Variants in TGIF2 observed in about 807,000 individuals in gnomAD.
The protein encoded by TGIF2 is TGFB induced factor homeobox 2, also known as homeobox protein TGIF2.
Under a neutral mutation model 15.1 loss-of-function variants are expected in TGIF2, and 5 were observed. The ratio of observed to expected loss-of-function variants is 0.33; its 90% confidence interval spans 0.17 to 0.70. The LOEUF is 0.70. Among genes scored for constraint, TGIF2 ranks in the 30% least tolerant of loss-of-function variants. The pLI is 0.67. For synonymous variants in TGIF2, 131 were observed against 128.9 expected, an observed-to-expected ratio of 1.02 and a Z score of -0.11; for missense variants, 264 against 302.5, an observed-to-expected ratio of 0.87 and a Z score of 0.94.
At chr20:36,589,681 A>G (rs948278122) in intron 2 of TGIF2, among the ~76,000 whole-genome samples, 2 of 151,234 alleles carry the variant, frequency 1.3e-5, no homozygotes, top group African/African-American at 2.4e-5. Flanking sequence ...GTGAGCCACC[A>G]CGCTCGACCG....
chr20:36,577,704 C>T (rs2038461157), intron 1 of TGIF2, among the ~76,000 whole-genome samples: 1 of 151,680 alleles, frequency 6.6e-6, no homozygotes, highest in Non-Finnish European at 1.5e-5. Context: ...TTAGTAGAAA[C>T]AGGGTTTCAC....
At chr20:36,585,746 G>A (rs985376977) in intron 2 of TGIF2, among the ~76,000 whole-genome samples, 3 of 152,084 alleles carry the variant, frequency 2.0e-5, no homozygotes, top group Admixed American at 6.6e-5. Flanking sequence ...AGGTCCCTTC[G>A]ACATCCTCTA....
intron 2 of TGIF2, among the ~76,000 whole-genome samples, chr20:36,589,537 C>T (rs999579989): frequency 1.3e-5 from 2 of 152,000 alleles, no homozygotes; most frequent in African/African-American, 2.4e-5. Flanking sequence ...GGACTACAGG[C>T]GCGTGCCACC....
chr20:36,584,392 G>A (rs1193800614), intron 2 of TGIF2, among the ~76,000 whole-genome samples: 1 of 152,164 alleles, frequency 6.6e-6, no homozygotes, highest in Non-Finnish European at 1.5e-5. Flanking sequence ...TATCTGGTAG[G>A]TAGGTGCTCA....
rs1308288598 is a variant in TGIF2, at chr20:36,591,515, A to G, written c.*84A>G. On this transcript the variant is annotated 3_prime_UTR_variant, in exon 3 of 3. Coordinates refer to ENST00000373872, the MANE Select transcript of TGIF2 (RefSeq NM_021809.7). The surrounding 1 kb of genome is among the most constrained non-coding windows in gnomAD (Gnocchi z 5.3). ...TTCCCTTTCATACAGAGGGTTTTCT[A>G]TGGATCACTGCCAAACATTGGGATC... 1.8e-5 allele frequency: 25 copies of G among 1,414,564 alleles called. No individual in the cohort carries two copies. The highest frequency in any genetic ancestry group is 6.7e-5 in the Admixed American group (3 of 44,982). 87.6% of individuals were successfully genotyped at this position (1,414,564 alleles called of 1,614,324 possible).
intron 1 of TGIF2, among the ~76,000 whole-genome samples, chr20:36,578,424 A>G (rs190695752): frequency 7.6e-4 from 115 of 152,210 alleles, no homozygotes; most frequent in Admixed American, 2.7e-3. Context: ...AAAAAAAAAA[A>G]AAAAGAAAAG....
intron 2 of TGIF2, among the ~76,000 whole-genome samples, chr20:36,585,344 T>C (rs1414786013): frequency 6.6e-6 from 1 of 151,250 alleles, no homozygotes; most frequent in Non-Finnish European, 1.5e-5. Context: ...CTAAAAATAG[T>C]CCCAGCTATT....
In TGIF2 at chr20:36,591,005, C is replaced by CG; in HGVS notation, c.293dup (p.Lys99Ter). 1 of 1,592,536 alleles carries CG rather than the reference C, an allele frequency of 6.3e-7. No homozygotes were observed. The highest frequency in any genetic ancestry group is 1.1e-5 in the South Asian group (1 of 89,946). On this transcript the variant is annotated frameshift_variant, in exon 3 of 3. Transcript: ENST00000373872. LOFTEE classifies it high-confidence loss of function. The surrounding 1 kb of genome is among the most constrained non-coding windows in gnomAD (Gnocchi z 5.3). ...CTAATCAGTTTACCATTTCCCGCCG[C>CG]GGGGGTAAGGCCTCAGATGTGGCCC...
At chr20:36,576,859 C>A (rs1018931672) in intron 1 of TGIF2, among the ~76,000 whole-genome samples, 1 of 152,068 alleles carries the variant, frequency 6.6e-6, no homozygotes, top group South Asian at 2.1e-4. Flanking sequence ...CATGCATTAC[C>A]GTGCTCAACT....
chr20:36,590,782 C>T (rs2038754397), intron 2 of TGIF2, 128 bp from the exon 3 acceptor site: 1 of 1,041,410 alleles, frequency 9.6e-7, no homozygotes, highest in Non-Finnish European at 1.3e-6. Flanking sequence ...TGGTCTTGAA[C>T]TCCTGGGCTT....
intron 2 of TGIF2, among the ~76,000 whole-genome samples, chr20:36,580,388 C>G (rs1009100769): frequency 1.3e-5 from 2 of 152,192 alleles, no homozygotes; most frequent in South Asian, 4.1e-4. Flanking sequence ...ATCTTCTCCA[C>G]AAGAGGAAAC....
chr20:36,585,923 G>C (rs757232485), intron 2 of TGIF2, among the ~76,000 whole-genome samples: 3 of 152,144 alleles, frequency 2.0e-5, no homozygotes, highest in Non-Finnish European at 4.4e-5. Context: ...TGGCTGTCAG[G>C]ACTCCTTTCA....
rs74604957 is a variant in TGIF2, at chr20:36,587,691, C to T, written c.193-3219C>T. On this transcript the variant is annotated intron_variant, in intron 2 of 2. Coordinates refer to ENST00000373872, the MANE Select transcript of TGIF2 (RefSeq NM_021809.7). ...CCTTCAACAAGTTTCTGAACCTCTCCGATCTGTTTCTTCAAGGGAGATCAT... is the reference window on the plus strand; with the variant it reads ...CCTTCAACAAGTTTCTGAACCTCTCTGATCTGTTTCTTCAAGGGAGATCAT... Among the ~76,000 whole-genome samples, 1,217 of 152,222 alleles carry T rather than the reference C, an allele frequency of 8.0e-3. 19 individuals carry two copies. The highest frequency in any genetic ancestry group is 0.028 in the African/African-American group (1,164 of 41,520).
chr20:36,576,942 C>A (rs193015497), intron 1 of TGIF2, among the ~76,000 whole-genome samples: 45 of 152,164 alleles, frequency 3.0e-4, no homozygotes, highest in African/African-American at 1.1e-3. Context: ...TGAGCTCAAG[C>A]GATCCACCTG....
intron 2 of TGIF2, among the ~76,000 whole-genome samples, chr20:36,590,055 A>T (rs952857556): frequency 3.3e-5 from 5 of 152,138 alleles, no homozygotes; most frequent in Admixed American, 3.3e-4. Flanking sequence ...CCCTGGCCTC[A>T]GGTGATCCTC....
chr20:36,591,344 T>C lies in TGIF2; in HGVS notation c.627T>C (p.Ala209=), dbSNP rs1488964773. The change falls in exon 3 of 3, where the codon GCT becomes GCC. Residue 209 remains alanine, a synonymous_variant. Transcript: ENST00000373872. The surrounding 1 kb of genome is among the most constrained non-coding windows in gnomAD (Gnocchi z 5.3). ...TGGTGGAGGTGGCGCTACAGAGGGC[T>C]GCTGAGATGGAGCTTCAGAAGCAGC... The part of the protein sequence containing the change: ...QLLVEVALQR[A]AEMELQKQQD... 3 of 1,614,206 alleles carry C rather than the reference T, an allele frequency of 1.9e-6. No individual in the cohort carries two copies. Among genetic ancestry groups the C allele is most frequent in the Non-Finnish European group, 2.5e-6 (3 of 1,180,038 alleles).
chr20:36,590,573 GGTTT>G (rs1195873657), intron 2 of TGIF2, among the ~76,000 whole-genome samples: 1 of 151,850 alleles, frequency 6.6e-6, no homozygotes, highest in African/African-American at 2.4e-5. Context: ...TGTTTGTTTT[GGTTT>G]GTTTTGAAAC....
chr20:36,590,498 C>T (rs921436290), intron 2 of TGIF2, among the ~76,000 whole-genome samples: 14 of 152,306 alleles, frequency 9.2e-5, no homozygotes, highest in Admixed American at 2.6e-4. Context: ...TCTGTCTTCC[C>T]ACTATGAACC....
intron 2 of TGIF2, among the ~76,000 whole-genome samples, chr20:36,581,995 C>T (rs541488772): frequency 2.6e-5 from 4 of 152,122 alleles, no homozygotes; most frequent in East Asian, 2.0e-4. Flanking sequence ...CAATACTTTG[C>T]GAGGCCGATG....
Sources: allele counts gnomAD v4.1 joint callset (sites outside exome capture counted in the v4.1 genomes callset), GRCh38; gene constraint gnomAD v4.1.1; non-coding constraint Gnocchi (gnomAD v3.1); transcripts MANE v1.5; gene names NCBI Gene and HGNC (gene_info 2026-07-23, HGNC 2026-07-21).